VTCN1: variants seen among roughly 807,000 people sequenced by gnomAD.
VTCN1 encodes the protein V-set domain-containing T-cell activation inhibitor 1.
A neutral mutation model predicts 26.5 loss-of-function variants in VTCN1; 26 were observed. The ratio of observed to expected loss-of-function variants is 0.98; its 90% CI spans 0.72 to 1.36. The LOEUF (loss-of-function observed/expected upper bound fraction) is 1.36. Among genes scored for constraint, VTCN1 ranks in the 40% most tolerant of loss-of-function variants. The pLI is 0.00. For synonymous variants in VTCN1, 116 were observed against 130.7 expected, an observed-to-expected ratio of 0.89 and a Z score of 0.77; for missense variants, 298 against 337.7, an observed-to-expected ratio of 0.88 and a Z score of 0.92.
chr1:117,160,580 T>C (rs1553208516), intron 2 of VTCN1, among the ~76,000 whole-genome samples: 1 of 152,236 alleles, frequency 6.6e-6, no homozygotes, highest in Non-Finnish European at 1.5e-5. Flanking sequence ...TAGTAAATGC[T>C]CCATACATAT....
rs1168286171 is a variant in VTCN1, at chr1:117,183,572, A to C, written c.33-13401T>G. On this transcript the variant is annotated intron_variant, in intron 1 of 5. Transcript: ENST00000369458. The surrounding 1 kb of genome is among the most constrained non-coding windows in gnomAD (Gnocchi z 4.1). ...TGGAAGACCTGGTTGGCTGTGGCTA[A>C]GAAGGGGACCTAGAGATTCATAATA... Among the ~76,000 whole-genome samples the C allele has an allele frequency of 6.6e-6, 1 of 152,220 alleles. No homozygotes were observed. Among genetic ancestry groups the C allele is most frequent in the Non-Finnish European group, 1.5e-5 (1 of 68,030 alleles).
rs1057433609 is a variant in VTCN1 at position 117,153,106 on chromosome 1, C to A, written c.709G>T (p.Asp237Tyr). The A allele has an allele frequency of 6.2e-7, 1 of 1,609,092 alleles. No homozygotes were observed. ...IENDIAKATG[D>Y]IKVTESEIKR... Reference sequence around the variant, plus strand: ...AGGAACCCACCTGTCACTTTGATATCCCCTGTTGCTTTGGCAATGTCATTT... The same window carrying A: ...AGGAACCCACCTGTCACTTTGATATACCCTGTTGCTTTGGCAATGTCATTT... The change falls in exon 4 of 6, where the codon GAT becomes TAT. Residue 237 changes from aspartate to tyrosine, a missense_variant. Asp to Tyr is a radical substitution (Grantham distance 160). Transcript: ENST00000369458.
rs891814069 is a variant in VTCN1 at position 117,175,511 on chromosome 1, T to C, written c.33-5340A>G. On this transcript the variant is annotated intron_variant, in intron 1 of 5. Transcript: ENST00000369458. The surrounding 1 kb of genome is among the most constrained non-coding windows in gnomAD (Gnocchi z 4.2). The stretch of plus-strand genomic sequence containing the variant: ...TTCAAAAAAATTCTTTTTCATAAAA[T>C]AAAAATAGAACTGAAAGCCATGCTA... Among the ~76,000 whole-genome samples the C allele has an allele frequency of 1.3e-5, 2 of 152,172 alleles. No individual in the cohort carries two copies. The highest frequency in any genetic ancestry group is 2.9e-5 in the Non-Finnish European group (2 of 68,034).
chr1:117,203,912 A>C, intron 1 of VTCN1: 1 of 382,772 alleles, frequency 2.6e-6, no homozygotes, highest in Non-Finnish European at 3.6e-6. Context: ...TTCCCAGGTG[A>C]TGTGGATGCT....
chr1:117,166,683 A>G (rs1652629898), intron 2 of VTCN1, among the ~76,000 whole-genome samples: 2 of 151,332 alleles, frequency 1.3e-5, no homozygotes, highest in Admixed American at 6.6e-5. Flanking sequence ...AGAAAAAGAA[A>G]AAAAGAGTTA....
intron 4 of VTCN1, among the ~76,000 whole-genome samples, chr1:117,152,475 C>T (rs1435292232): frequency 6.6e-6 from 1 of 152,152 alleles, no homozygotes; most frequent in East Asian, 1.9e-4. Flanking sequence ...GTTTTGTATG[C>T]ACTAAAGCAC....
chr1:117,188,653 AT>A (rs1425961396), intron 1 of VTCN1, among the ~76,000 whole-genome samples: 1 of 152,224 alleles, frequency 6.6e-6, no homozygotes, highest in Non-Finnish European at 1.5e-5. Flanking sequence ...CATCTGATAA[AT>A]GCTAAACTGA....
chr1:117,191,092 C>G (rs1648221738), intron 1 of VTCN1, among the ~76,000 whole-genome samples: 1 of 151,968 alleles, frequency 6.6e-6, no homozygotes, highest in Admixed American at 6.6e-5. Context: ...AAGAACTAAA[C>G]AGAAATTTTG....
rs1451694190 is a variant in VTCN1, at chr1:117,159,788, A to G, written c.98-2867T>C. On this transcript the variant is annotated intron_variant, in intron 2 of 5. Transcript: ENST00000369458. The surrounding 1 kb of genome is among the most constrained non-coding windows in gnomAD (Gnocchi z 4.7). ...ACATAGAAACTAAGGCAGTGAGAAA[A>G]TAACTGATTTGATCAAGTTTACAGT... 6.6e-6 allele frequency among the ~76,000 whole-genome samples: 1 copy of G among 152,250 alleles called. No homozygotes were observed. Among genetic ancestry groups the G allele is most frequent in the East Asian group, 1.9e-4 (1 of 5,200 alleles).
chr1:117,189,846 A>C (rs1648151141), intron 1 of VTCN1, among the ~76,000 whole-genome samples: 1 of 152,132 alleles, frequency 6.6e-6, no homozygotes, highest in Admixed American at 6.5e-5. Context: ...GGTGGATACC[A>C]GTGCCTTTGT....
intron 2 of VTCN1, among the ~76,000 whole-genome samples, chr1:117,165,258 T>A (rs1652552242): frequency 6.6e-6 from 1 of 152,266 alleles, no homozygotes; most frequent in African/African-American, 2.4e-5. Context: ...TAATAACATC[T>A]ACCTCCTATT....
chr1:117,144,238 T>C lies in VTCN1; in HGVS notation c.*1033A>G, dbSNP rs1651398615. The C allele has an allele frequency of 6.6e-6, 1 of 152,154 alleles. No individual in the cohort carries two copies. The highest frequency in any genetic ancestry group is 2.4e-5 in the African/African-American group (1 of 41,370). The allele number at this position is 152,154 out of a possible 1,614,324, so 9.4% of individuals were successfully genotyped here. A position where few individuals can be genotyped will look rare whatever the true frequency, so the allele number is the denominator to read the frequency against. On this transcript the variant is annotated 3_prime_UTR_variant, in exon 6 of 6. Coordinates refer to ENST00000369458, the MANE Select transcript of VTCN1 (RefSeq NM_024626.4). ...CAGTTGACACTTCGGATTGGGTAGT[T>C]GTAATGGGGAGACGTCCTGTACATG...
At chr1:117,195,805 C>A (rs1337355223) in intron 1 of VTCN1, among the ~76,000 whole-genome samples, 1 of 152,098 alleles carries the variant, frequency 6.6e-6, no homozygotes, top group East Asian at 1.9e-4. Flanking sequence ...GGAATTTATT[C>A]TACAGAATCA....
At position 117,184,394 on chromosome 1, in the gene VTCN1, C is replaced by T. The variant is rs145723551; in HGVS notation, c.33-14223G>A. ...ACCTGTCTCTGCCATCCCTGACCAA[C>T]ACACACACAAAAAGTGACCAGAGGG... On this transcript the variant is annotated intron_variant, in intron 1 of 5. Coordinates refer to ENST00000369458, the MANE Select transcript of VTCN1 (RefSeq NM_024626.4). 2.3e-4 allele frequency among the ~76,000 whole-genome samples: 35 copies of T among 152,208 alleles called. No homozygotes were observed. In the East Asian group the frequency reaches 6.6e-3, roughly 29 times the overall value.
rs189621029 is a variant in VTCN1 at position 117,205,063 on chromosome 1, A to G, written c.32+5761T>C. On this transcript the variant is annotated intron_variant, in intron 1 of 5. Transcript: ENST00000369458. ...GTGTCCTGTATATGTATATATATGT[A>G]TATATGTATATGTACATGTATATGT... 4.2e-3 allele frequency among the ~76,000 whole-genome samples: 616 copies of G among 146,906 alleles called. 2 individuals are homozygous for G. The highest frequency in any genetic ancestry group is 0.015 in the African/African-American group (590 of 40,070).
At chr1:117,152,476 A>C (rs886778751) in intron 4 of VTCN1, among the ~76,000 whole-genome samples, 1 of 152,196 alleles carries the variant, frequency 6.6e-6, no homozygotes, top group African/African-American at 2.4e-5. Flanking sequence ...TTTTGTATGC[A>C]CTAAAGCACT....
At chr1:117,189,471 G>A (rs1048396568) in intron 1 of VTCN1, among the ~76,000 whole-genome samples, 5 of 152,154 alleles carry the variant, frequency 3.3e-5, no homozygotes, top group African/African-American at 1.2e-4. Context: ...TCCACGAAAG[G>A]GAGACTTGGC....
chr1:117,205,181 G>T (rs188297121), intron 1 of VTCN1, among the ~76,000 whole-genome samples: 1 of 148,844 alleles, frequency 6.7e-6, no homozygotes, highest in Admixed American at 6.8e-5. Flanking sequence ...GAGAGAGGGG[G>T]GTCTCGCTCT....
chr1:117,192,987 A>T (rs1050018823), intron 1 of VTCN1, among the ~76,000 whole-genome samples: 1 of 152,150 alleles, frequency 6.6e-6, no homozygotes. Flanking sequence ...AAGAAAACAA[A>T]ATAACAACAC....
Sources: allele counts gnomAD v4.1 joint callset (sites outside exome capture counted in the v4.1 genomes callset), GRCh38; gene constraint gnomAD v4.1.1; non-coding constraint Gnocchi (gnomAD v3.1); transcripts MANE v1.5; gene names NCBI Gene and HGNC (gene_info 2026-07-23, HGNC 2026-07-21).